Variants in PAK6 observed in about 807,000 individuals in gnomAD.
PAK6 encodes serine/threonine-protein kinase PAK 6.
In PAK6, 33 loss-of-function variants were observed where a neutral mutation model predicts 60.8. The observed-to-expected ratio is 0.54, with a 90% CI of 0.41 to 0.73. The LOEUF is 0.73. Ranked by LOEUF, PAK6 falls within the 30% of genes least tolerant of loss-of-function variation. The pLI is 0.00. For missense variants in PAK6, 845 were observed against 904.1 expected (o/e 0.93, Z 0.84); for synonymous variants, 404 against 378.5 (o/e 1.07, Z -0.78).
exon 11 of PAK6, chr15:40,277,416 A>G (rs2039484108): frequency 6.6e-6 from 1 of 152,572 alleles, no homozygotes; most frequent in Non-Finnish European, 1.5e-5. Context: ...AAACAAAAGC[A>G]TCTTCCCTAG....
rs2038740907 is a variant in PAK6 at position 40,253,304 on chromosome 15, G to T, written c.-6+15G>T. ...GGCGCCGGAAGGTGAGTGAGCGAGC[G>T]GCCCCCGGCCCTAGAGCCTTCTGCA... On this transcript the variant is annotated intron_variant, in intron 3 of 10. Coordinates refer to ENST00000560346, the Ensembl canonical transcript of PAK6. 1 of 454,874 alleles carries T rather than the reference G, an allele frequency of 2.2e-6. No individual in the cohort carries two copies. Among genetic ancestry groups the T allele is most frequent in the Non-Finnish European group, 4.4e-6 (1 of 226,726 alleles). 28.2% of individuals were successfully genotyped at this position (454,874 alleles called of 1,614,324 possible).
At chr15:40,251,255 C>G (rs1680706811) in intron 2 of PAK6, 1 of 152,218 alleles carries the variant, frequency 6.6e-6, no homozygotes, top group African/African-American at 2.4e-5. Context: ...GGCTCCCACA[C>G]CACTGTCCCA....
At chr15:40,248,695 G>T (rs377383658) in intron 2 of PAK6, among the ~76,000 whole-genome samples, 8 of 152,070 alleles carry the variant, frequency 5.3e-5, no homozygotes, top group Non-Finnish European at 1.0e-4. Context: ...GGGTCCTCGC[G>T]TGTTACACAG....
At chr15:40,275,930 T>C in exon 11 of PAK6, 1 of 1,610,898 alleles carries the variant, frequency 6.2e-7, no homozygotes, top group Non-Finnish European at 8.5e-7. Context: ...TCTACAGGTC[T>C]CCCCAGTGCT....
At chr15:40,254,263 AGCT>A (rs953215224) in intron 3 of PAK6, among the ~76,000 whole-genome samples, 1 of 152,194 alleles carries the variant, frequency 6.6e-6, no homozygotes, top group Admixed American at 6.5e-5. Context: ...ATCAGCCTCC[AGCT>A]GCTATGTTGG....
At chr15:40,242,397 A>T (rs1472027962) in intron 2 of PAK6, among the ~76,000 whole-genome samples, 1 of 152,224 alleles carries the variant, frequency 6.6e-6, no homozygotes, top group Admixed American at 6.5e-5. Context: ...CCTTCCCGTA[A>T]GATGCGCTCG....
chr15:40,275,280 G>GTTTTCTTTT (rs1448905930), intron 10 of PAK6, among the ~76,000 whole-genome samples: 18,477 of 56,444 alleles, frequency 0.33, 3,674 homozygotes, highest in South Asian at 0.5. Flanking sequence ...GTTGTTGTTG[G>GTTTTCTTTT]TTTTTTTTTT....
chr15:40,272,992 CA>C lies in PAK6; in HGVS notation c.1485del (p.Val496SerfsTer3), dbSNP rs750978765. The C allele has an allele frequency of 6.2e-7, 1 of 1,613,640 alleles. No individual in the cohort carries two copies. On this transcript the variant is annotated frameshift_variant, in exon 7 of 11. Transcript: ENST00000560346. LOFTEE classifies it high-confidence loss of function. ...AGGAGCCCTCACAGACATCGTCTCC[CA>C]AGTCAGGTGGGCAGCTGGGAGGGCT...
At chr15:40,269,321 G>A (rs1365259462) in intron 5 of PAK6, among the ~76,000 whole-genome samples, 1 of 152,124 alleles carries the variant, frequency 6.6e-6, no homozygotes, top group African/African-American at 2.4e-5. Context: ...ATGCCAGGCC[G>A]GCTTTATTAT....
chr15:40,264,043 C>A, intron 3 of PAK6: 1 of 434,778 alleles, frequency 2.3e-6, no homozygotes. Context: ...AGGCTATCCT[C>A]TTGGCTCAGG....
chr15:40,249,317 G>T (rs1363183698), intron 2 of PAK6, among the ~76,000 whole-genome samples: 23 of 151,400 alleles, frequency 1.5e-4, no homozygotes, highest in Non-Finnish European at 2.9e-4. Flanking sequence ...ATGAATCTTG[G>T]GGGGACACAA....
At chr15:40,274,100 C>T (rs747715799) in intron 9 of PAK6, 42 bp from the exon 10 acceptor site, 2 of 1,611,720 alleles carry the variant, frequency 1.2e-6, no homozygotes, top group Non-Finnish European at 1.7e-6. Context: ...TACCAATGGG[C>T]CAGGGTCTGG....
At chr15:40,252,359 G>T in intron 2 of PAK6, 1 of 1,304,144 alleles carries the variant, frequency 7.7e-7, no homozygotes, top group Non-Finnish European at 1.0e-6. Flanking sequence ...CCCCGCGGCT[G>T]TGGCCAGGCC....
chr15:40,272,366 G>C (rs770302351), exon 6 of PAK6: 4 of 1,613,588 alleles, frequency 2.5e-6, no homozygotes, highest in Non-Finnish European at 3.4e-6. Context: ...AAGTCCCTCC[G>C]CACAGCCCCG....
intron 3 of PAK6, chr15:40,263,761 C>T (rs971719822): frequency 3.7e-5 from 14 of 383,384 alleles, no homozygotes; most frequent in Middle Eastern, 9.0e-4. Flanking sequence ...ACTACAGGCA[C>T]GTGCCACCAG....
chr15:40,250,066 C>T (rs1452107822), intron 2 of PAK6, among the ~76,000 whole-genome samples: 1 of 152,250 alleles, frequency 6.6e-6, no homozygotes, highest in East Asian at 1.9e-4. Flanking sequence ...AACCTGGGAA[C>T]AAGGCCAGAG....
intron 5 of PAK6, among the ~76,000 whole-genome samples, chr15:40,269,770 C>T (rs2039249818): frequency 1.3e-5 from 2 of 152,202 alleles, no homozygotes; most frequent in Non-Finnish European, 2.9e-5. Context: ...CCATCCCTCC[C>T]CCAGCCTCCA....
At chr15:40,252,319 G>A (rs55974545) in intron 2 of PAK6, 2 of 1,248,036 alleles carry the variant, frequency 1.6e-6, no homozygotes, top group Admixed American at 2.9e-5. Flanking sequence ...TCCGCGAGGC[G>A]GCCACTGGGC....
intron 3 of PAK6, among the ~76,000 whole-genome samples, chr15:40,258,114 AAAAC>A (rs1269684525): frequency 2.0e-5 from 3 of 152,194 alleles, no homozygotes; most frequent in Non-Finnish European, 2.9e-5. Context: ...GCTGAGTGGA[AAAAC>A]ACCTGGTTCC....
Sources: gnomAD v4.1 joint callset for allele counts (sites outside exome capture counted in the v4.1 genomes callset) on GRCh38, gnomAD v4.1.1 for gene constraint, MANE v1.5 for transcripts, NCBI Gene and HGNC (gene_info 2026-07-23, HGNC 2026-07-21) for gene names.